The following TMCC2 variants were observed in gnomAD, a reference collection of about 807,000 sequenced individuals.
TMCC2 encodes transmembrane and coiled-coil domain family 2.
A neutral mutation model predicts 49.4 loss-of-function variants in TMCC2; 16 were observed. That is an observed-to-expected ratio of 0.32 (90% CI 0.22 to 0.49). The LOEUF is 0.49. TMCC2 is among the 20% of genes least tolerant of loss of function. The pLI is 0.99. For synonymous variants in TMCC2, 397 were observed against 434.1 expected, an observed-to-expected ratio of 0.91 and a Z score of 1.06; for missense variants, 762 against 989.8, an observed-to-expected ratio of 0.77 and a Z score of 3.09.
At chr1:205,268,725 A>T (rs1288568829) in intron 2 of TMCC2, among the ~76,000 whole-genome samples, 1 of 152,200 alleles carries the variant, frequency 6.6e-6, no homozygotes, top group African/African-American at 2.4e-5. Context: ...AAAGAGGAGC[A>T]GCTCTGCCTA....
At chr1:205,243,481 C>T (rs1260034229) in intron 2 of TMCC2, among the ~76,000 whole-genome samples, 1 of 152,284 alleles carries the variant, frequency 6.6e-6, no homozygotes, top group African/African-American at 2.4e-5. Flanking sequence ...GTAGTCTAGG[C>T]TGCAGCAGTG....
chr1:205,256,448 GTT>G, intron 2 of TMCC2: 1 of 1,547,898 alleles, frequency 6.5e-7, no homozygotes, highest in Non-Finnish European at 8.7e-7. Context: ...TATCTTGGGT[GTT>G]TTTGCCAGGG....
chr1:205,252,856 C>T lies in TMCC2; in HGVS notation c.747+10812C>T, dbSNP rs112105608. ...GAAAAGTAGGCCAGGTGCAGTGGCT[C>T]ATGCCTGTAATCTCAGTGATTTGGG... On this transcript the variant is annotated intron_variant, in intron 2 of 4. Transcript: ENST00000358024. Among the ~76,000 whole-genome samples, 91 of 151,328 alleles carry T rather than the reference C, an allele frequency of 6.0e-4. 2 individuals are homozygous for T. The highest frequency in any genetic ancestry group is 2.1e-3 in the African/African-American group (86 of 41,248).
chr1:205,269,640 TCCAGCG>T lies in TMCC2; in HGVS notation c.1450_1455del (p.Ala484_Ser485del), dbSNP rs761943281. ...CAAGTATGGCAGCGATGATGAGTGCTCCAGCGCCAGCGCCAGCTCAGCCGGGGCAGG... is the reference window on the plus strand; with the variant it reads ...CAAGTATGGCAGCGATGATGAGTGCTCCAGCGCCAGCTCAGCCGGGGCAGG... On this transcript the variant is annotated inframe_deletion, in exon 3 of 5. Transcript: ENST00000358024. 3.7e-6 allele frequency: 6 copies of T among 1,613,666 alleles called. No homozygotes were observed. The highest frequency in any genetic ancestry group is 1.7e-4 in the Middle Eastern group (1 of 6,044).
chr1:205,235,133 C>T (rs561275075), intron 1 of TMCC2, among the ~76,000 whole-genome samples: 44 of 152,172 alleles, frequency 2.9e-4, no homozygotes, highest in African/African-American at 7.9e-4. Context: ...TGTTTTGTCC[C>T]GCTTGCACCT....
Position 205,272,615 on chromosome 1 carries a change from C to T in TMCC2, c.*491C>T. 1 of 162,812 alleles carries T rather than the reference C, an allele frequency of 6.1e-6. No homozygotes were observed. The highest frequency in any genetic ancestry group is 1.8e-4 in the East Asian group (1 of 5,640). The allele number at this position is 162,812 out of a possible 1,614,324, so 10.1% of individuals were successfully genotyped here. A position where few individuals can be genotyped will look rare whatever the true frequency, so the allele number is the denominator to read the frequency against. ...GCAGAGAACACAGGGATGGGAGGGT[C>T]CCTAGCCTTCGGGCACCTCCAGGGC... is the stretch of plus-strand genomic sequence containing the variant. On this transcript the variant is annotated 3_prime_UTR_variant, in exon 5 of 5. Transcript: ENST00000358024.
chr1:205,245,424 G>A (rs1660418632), intron 2 of TMCC2, among the ~76,000 whole-genome samples: 1 of 152,114 alleles, frequency 6.6e-6, no homozygotes, highest in African/African-American at 2.4e-5. Flanking sequence ...CATGATGGAA[G>A]ACCAAACAGT....
intron 2 of TMCC2, among the ~76,000 whole-genome samples, chr1:205,254,576 T>C (rs951034754): frequency 1.3e-5 from 2 of 152,228 alleles, no homozygotes; most frequent in African/African-American, 4.8e-5. Context: ...GCTACTTTTC[T>C]CCTAGTGAAC....
At chr1:205,271,376 G>A (rs778732029) in intron 4 of TMCC2, 121 bp downstream of exon 4, 10 of 1,515,012 alleles carry the variant, frequency 6.6e-6, no homozygotes, top group African/African-American at 1.4e-5. Context: ...GGCCGGGGCC[G>A]ATAGGCACAT....
intron 2 of TMCC2, among the ~76,000 whole-genome samples, chr1:205,243,650 A>G (rs1326798157): frequency 6.6e-6 from 1 of 152,204 alleles, no homozygotes; most frequent in Non-Finnish European, 1.5e-5. Flanking sequence ...TCTCTAGTTG[A>G]GGAATCACAG....
intron 1 of TMCC2, chr1:205,233,968 A>T (rs1421290333): frequency 1.3e-5 from 2 of 151,982 alleles, no homozygotes; most frequent in East Asian, 1.9e-4. Context: ...TGGAATGAAG[A>T]TATGTACGTT....
chr1:205,268,854 A>G (rs1207145218), intron 2 of TMCC2, 96 bp from the exon 3 acceptor site: 1 of 1,224,190 alleles, frequency 8.2e-7, no homozygotes, highest in African/African-American at 1.5e-5. Flanking sequence ...TCCTGCATCC[A>G]TTTTCTAGAT....
intron 1 of TMCC2, chr1:205,229,565 CG>C: frequency 2.1e-6 from 1 of 481,132 alleles, no homozygotes. Flanking sequence ...GGGGTGGTGG[CG>C]GGGGCGGGGG....
At position 205,272,017 on chromosome 1, in the gene TMCC2, C is replaced by A. The variant is rs199534933; in HGVS notation, c.2023C>A (p.Arg675Ser). 1 of 1,614,220 alleles carries A rather than the reference C, an allele frequency of 6.2e-7. No homozygotes were observed. The highest frequency in any genetic ancestry group is 1.7e-5 in the Admixed American group (1 of 60,028). The change falls in exon 5 of 5, where the codon CGC (arginine) becomes AGC (serine). Residue 675 changes from arginine (R) to serine (S), a missense_variant. Physicochemically the swap from Arg to Ser is moderately radical, Grantham distance 110. Around this residue, in one of 2 missense-constraint regions of TMCC2, gnomAD observed 440 missense variants for 636.7 expected, o/e 0.69. Transcript: ENST00000358024. ...CTTCATCACGCCCCTCATGAAGACA[C>A]GCCTGCGCATCACCAGCACCACCCT... ...ANFITPLMKT[R>S]LRITSTTLLV...
Position 205,241,445 on chromosome 1 carries a change from TACTGAC to T in TMCC2, c.208-59_208-54del, listed in dbSNP as rs1470818986. The T allele has an allele frequency of 1.3e-6, 2 of 1,558,284 alleles. No individual in the cohort carries two copies. Among genetic ancestry groups the T allele is most frequent in the African/African-American group, 2.7e-5 (2 of 73,766 alleles). ...GACAGACCCTTCACCTTCACCCTCC[TACTGAC>T]TAGGCAATCAAGAGCTTTCCACTCA... On this transcript the variant is annotated intron_variant, in intron 1 of 4. Coordinates refer to ENST00000358024, the MANE Select transcript of TMCC2 (RefSeq NM_014858.4). This position sits in a 1 kb window ranked among gnomAD's most constrained non-coding sequence, Gnocchi z 7.3.
rs1434472055 is a variant in TMCC2, at chr1:205,272,095, C to T, written c.2101C>T (p.Leu701Phe). ...GAAGCACTGGGACTCCCTCACCTAC[C>T]TCCTGGAGCACGTGTTGCTGCCCAG... ...LWKHWDSLTY[L>F]LEHVLLPS Residue 701 changes from leucine to phenylalanine, a missense_variant, in exon 5 of 5, where the codon CTC (leucine) becomes TTC (phenylalanine). Transcript: ENST00000358024. 3 of 1,613,562 alleles carry T rather than the reference C, an allele frequency of 1.9e-6. No homozygotes were observed. In the South Asian group the frequency reaches 3.3e-5, roughly 18 times the overall value.
intron 1 of TMCC2, chr1:205,233,972 G>A (rs780292640): frequency 6.6e-6 from 1 of 152,000 alleles, no homozygotes; most frequent in Non-Finnish European, 1.5e-5. Flanking sequence ...ATGAAGATAT[G>A]TACGTTCCCT....
chr1:205,265,218 C>T (rs570510482), intron 2 of TMCC2, among the ~76,000 whole-genome samples: 1 of 152,172 alleles, frequency 6.6e-6, no homozygotes, highest in South Asian at 2.1e-4. Context: ...GGCCTCTGCA[C>T]CCACCATCAG....
chr1:205,244,279 C>A (rs56071213), intron 2 of TMCC2, among the ~76,000 whole-genome samples: 5,014 of 151,896 alleles, frequency 0.033, 244 homozygotes, highest in African/African-American at 0.1. Context: ...AGGCAGAGAT[C>A]GAAGATAGCA....
Sources: gnomAD v4.1 joint callset for allele counts (sites outside exome capture counted in the v4.1 genomes callset) on GRCh38, gnomAD v4.1.1 for gene constraint, gnomAD v4.1.1 regional missense constraint, Gnocchi (gnomAD v3.1) non-coding constraint, MANE v1.5 for transcripts, NCBI Gene and HGNC (gene_info 2026-07-23, HGNC 2026-07-21) for gene names.